Variants in SGCZ observed in about 807,000 individuals in gnomAD.
The protein encoded by SGCZ is zeta-sarcoglycan.
A neutral mutation model predicts 41.3 loss-of-function variants in SGCZ; 40 were observed. That is an observed-to-expected ratio of 0.97 (90% CI 0.75 to 1.26). The LOEUF (loss-of-function observed/expected upper bound fraction) is 1.26, where lower values mean the gene tolerates loss of function less well. Among genes scored for constraint, SGCZ ranks in the 50% most tolerant of loss-of-function variants. The probability of loss-of-function intolerance (pLI) is 0.00; values close to 1 mark genes in which losing one functional copy is unlikely to be tolerated. For synonymous variants in SGCZ, 206 were observed against 137.5 expected (o/e 1.50, Z -3.49); for missense variants, 552 against 369.8 (o/e 1.49, Z -4.04).
chr8:15,028,801 C>G (rs1803551332), intron 1 of SGCZ, among the ~76,000 whole-genome samples: 1 of 152,038 alleles, frequency 6.6e-6, no homozygotes. Context: ...CTACATACTT[C>G]TTCCTTATAA....
In SGCZ at chr8:15,013,006, T is replaced by A. The variant is rs146580801; in HGVS notation, c.39+224579A>T. Among the ~76,000 whole-genome samples, 58 of 152,208 alleles carry A rather than the reference T, an allele frequency of 3.8e-4. 1 individual carries two copies. The East Asian group carries it at 0.01, about 27-fold the overall frequency. On this transcript the variant is annotated intron_variant, in intron 1 of 7. Coordinates refer to ENST00000382080, the MANE Select transcript of SGCZ (RefSeq NM_139167.4). The stretch of plus-strand genomic sequence containing the variant: ...TATTTGGAAAAGCTGTTCTGTAGTA[T>A]GGTGTCTGGTGCCAACTTCTTAATG...
At chr8:14,796,125 C>T (rs574209870) in intron 1 of SGCZ, among the ~76,000 whole-genome samples, 2 of 152,284 alleles carry the variant, frequency 1.3e-5, no homozygotes, top group African/African-American at 4.8e-5. Flanking sequence ...AATAGTTCTG[C>T]AATGAGCATA....
At chr8:14,663,050 A>T (rs1807805541) in intron 1 of SGCZ, among the ~76,000 whole-genome samples, 1 of 152,208 alleles carries the variant, frequency 6.6e-6, no homozygotes, top group Non-Finnish European at 1.5e-5. Flanking sequence ...CCAGAAAGAA[A>T]TGCAGTTCTG....
chr8:14,557,742 C>A (rs1424132662), intron 1 of SGCZ, among the ~76,000 whole-genome samples: 4 of 151,812 alleles, frequency 2.6e-5, no homozygotes, highest in Non-Finnish European at 5.9e-5. Flanking sequence ...AATCTCAGGT[C>A]ACACCTCAAG....
At chr8:14,259,450 C>G (rs937598207) in intron 3 of SGCZ, among the ~76,000 whole-genome samples, 1 of 150,490 alleles carries the variant, frequency 6.6e-6, no homozygotes, top group Admixed American at 6.7e-5. Context: ...TTAGGTCGAA[C>G]GTTTAAGTCT....
intron 1 of SGCZ, among the ~76,000 whole-genome samples, chr8:14,814,047 G>C (rs537747282): frequency 6.6e-6 from 1 of 152,232 alleles, no homozygotes; most frequent in East Asian, 1.9e-4. Flanking sequence ...AGCACAGTAT[G>C]CAGCACTTAA....
At chr8:14,321,133 C>T (rs1361483249) in intron 3 of SGCZ, among the ~76,000 whole-genome samples, 1 of 152,048 alleles carries the variant, frequency 6.6e-6, no homozygotes, top group Non-Finnish European at 1.5e-5. Flanking sequence ...GATTACACAT[C>T]TTTTGTATTG....
Position 14,373,577 on chromosome 8 carries a change from A to C in SGCZ, c.235-49373T>G, listed in dbSNP as rs1168811935. Among the ~76,000 whole-genome samples the C allele has an allele frequency of 2.6e-5, 4 of 152,174 alleles. No homozygotes were observed. The East Asian group carries it at 7.7e-4, about 29-fold the overall frequency. Reference sequence around the variant, plus strand: ...GGAAGACTAGAGGTAGAAATTAAACAAAGTATAGTACCCTAAAAAACAAAA... The same window carrying C: ...GGAAGACTAGAGGTAGAAATTAAACCAAGTATAGTACCCTAAAAAACAAAA... On this transcript the variant is annotated intron_variant, in intron 2 of 7. Coordinates refer to ENST00000382080, the MANE Select transcript of SGCZ (RefSeq NM_139167.4).
rs559219388 is a variant in SGCZ at position 14,440,689 on chromosome 8, ACG to A, written c.234+114041_234+114042del. Among the ~76,000 whole-genome samples the A allele has an allele frequency of 1.3e-4, 8 of 62,816 alleles. No homozygotes were observed. The South Asian group carries it at 3.7e-3, about 29-fold the overall frequency. The allele number at this position is 62,816 out of a possible 152,430, so 41.2% of individuals were successfully genotyped here. A position where few individuals can be genotyped will look rare whatever the true frequency, so the allele number is the denominator to read the frequency against. ...TCTGTATGTATATACATACGTATAC[ACG>A]TATATGTATATATGTATATACATAC... On this transcript the variant is annotated intron_variant, in intron 2 of 7. Transcript: ENST00000382080.
intron 1 of SGCZ, among the ~76,000 whole-genome samples, chr8:14,652,266 G>A (rs542719158): frequency 2.6e-4 from 38 of 146,288 alleles, no homozygotes; most frequent in Non-Finnish European, 4.3e-4. Flanking sequence ...GCTTGAACCC[G>A]GGAGGTGGAG....
intron 4 of SGCZ, among the ~76,000 whole-genome samples, chr8:14,225,503 G>T (rs1177051695): frequency 6.6e-6 from 1 of 152,006 alleles, no homozygotes; most frequent in Non-Finnish European, 1.5e-5. Flanking sequence ...TGTTGAATTA[G>T]AAATCAACAT....
chr8:14,756,190 T>C (rs909859915), intron 1 of SGCZ, among the ~76,000 whole-genome samples: 8 of 151,016 alleles, frequency 5.3e-5, no homozygotes, highest in African/African-American at 1.9e-4. Context: ...AGTAAATTTT[T>C]TTTTTTTTTT....
intron 1 of SGCZ, among the ~76,000 whole-genome samples, chr8:14,915,589 C>A (rs1005433570): frequency 6.6e-6 from 1 of 152,086 alleles, no homozygotes; most frequent in Non-Finnish European, 1.5e-5. Context: ...CAAGATGGCA[C>A]CGATCAACTG....
At chr8:14,268,970 G>C (rs1183115670) in intron 3 of SGCZ, among the ~76,000 whole-genome samples, 1 of 151,578 alleles carries the variant, frequency 6.6e-6, no homozygotes, top group African/African-American at 2.4e-5. Context: ...TTACAGGCTA[G>C]CAGAATTTAT....
intron 1 of SGCZ, among the ~76,000 whole-genome samples, chr8:15,039,479 G>A (rs551568108): frequency 6.6e-6 from 1 of 152,140 alleles, no homozygotes; most frequent in Admixed American, 6.5e-5. Context: ...ATCAGTGGGT[G>A]GGGTTGGGAA....
At chr8:14,708,694 T>A (rs1809410119) in intron 1 of SGCZ, among the ~76,000 whole-genome samples, 1 of 152,100 alleles carries the variant, frequency 6.6e-6, no homozygotes, top group Non-Finnish European at 1.5e-5. Flanking sequence ...AACATACTAC[T>A]TTTTAAAAAG....
chr8:14,156,809 T>A (rs1397974868), intron 5 of SGCZ, among the ~76,000 whole-genome samples: 1 of 152,160 alleles, frequency 6.6e-6, no homozygotes, highest in Non-Finnish European at 1.5e-5. Context: ...CAGCTCCACA[T>A]CTTGTCCCAC....
chr8:14,828,849 G>C (rs1316551407), intron 1 of SGCZ, among the ~76,000 whole-genome samples: 1 of 152,102 alleles, frequency 6.6e-6, no homozygotes, highest in Non-Finnish European at 1.5e-5. Flanking sequence ...CCATAACAAT[G>C]CTTCCACTCA....
intron 1 of SGCZ, among the ~76,000 whole-genome samples, chr8:14,931,710 A>G (rs750182213): frequency 5.9e-5 from 9 of 152,106 alleles, no homozygotes; most frequent in Non-Finnish European, 1.3e-4. Context: ...ATAGTACTTG[A>G]CATTCTTTCT....
Sources: allele counts gnomAD v4.1 joint callset (sites outside exome capture counted in the v4.1 genomes callset), GRCh38; gene constraint gnomAD v4.1.1; transcripts MANE v1.5; gene names NCBI Gene and HGNC (gene_info 2026-07-23, HGNC 2026-07-21).